POC5: variants seen among roughly 807,000 people sequenced by gnomAD.
POC5 encodes centrosomal protein POC5.
Under a neutral mutation model 62.9 loss-of-function variants are expected in POC5, and 48 were observed. That is an observed-to-expected ratio of 0.76 (90% CI 0.61 to 0.97). The LOEUF (loss-of-function observed/expected upper bound fraction) is 0.97. POC5 is among the 50% of genes least tolerant of loss of function. POC5 has a pLI of 0.00. For missense variants in POC5, 696 were observed against 679.5 expected (o/e 1.02, Z -0.27); for synonymous variants, 236 against 228.2 (o/e 1.03, Z -0.31).
intron 10 of POC5, among the ~76,000 whole-genome samples, chr5:75,679,997 G>C (rs771900657): frequency 6.6e-6 from 1 of 151,972 alleles, no homozygotes; most frequent in East Asian, 1.9e-4. Flanking sequence ...AACTTCTATG[G>C]ATCTTATGAA....
In POC5 at chr5:75,685,276, T is replaced by C; in HGVS notation, c.1338A>G (p.Ala446=). 3 of 1,613,998 alleles carry C rather than the reference T, an allele frequency of 1.9e-6. No individual in the cohort carries two copies. The highest frequency in any genetic ancestry group is 2.5e-6 in the Non-Finnish European group (3 of 1,179,886). The part of the protein sequence containing the change: ...ASMTSTRAAS[A]SSVHVPVSAL... ...CAGAAACAGGAACGTGAACAGAAGA[T>C]GCGGAAGCAGCCCTGGTAGAAGTCA... is the stretch of plus-strand genomic sequence containing the variant. Residue 446 remains alanine, a synonymous_variant, in exon 10 of 12, where the codon GCA becomes GCG. Coordinates refer to ENST00000428202, the MANE Select transcript of POC5 (RefSeq NM_001099271.2).
chr5:75,711,363 T>C (rs191375307), intron 2 of POC5, among the ~76,000 whole-genome samples: 1 of 152,054 alleles, frequency 6.6e-6, no homozygotes, highest in East Asian at 1.9e-4. Context: ...ACTTGGCTGA[T>C]AGGAGCTGTG....
In POC5 at chr5:75,683,054, G is replaced by C. The variant is rs377656779; in HGVS notation, c.1407+2153C>G. Among the ~76,000 whole-genome samples the C allele has an allele frequency of 2.6e-3, 395 of 152,314 alleles. 12 individuals carry two copies. In the South Asian group the frequency reaches 0.047, roughly 18 times the overall value. ...GCCGTCCAGAGCAATGGCACCTTCT[G>C]ATGGCCTGCCAAGGGAATTTTAAGA... On this transcript the variant is annotated intron_variant, in intron 10 of 11. Coordinates refer to ENST00000428202, the MANE Select transcript of POC5 (RefSeq NM_001099271.2).
chr5:75,680,866 C>T (rs1356051221), intron 10 of POC5, among the ~76,000 whole-genome samples: 1 of 152,004 alleles, frequency 6.6e-6, no homozygotes, highest in South Asian at 2.1e-4. Flanking sequence ...CAGTTTGGCT[C>T]CACATTTAAA....
Position 75,712,914 on chromosome 5 carries a change from GTATTTC to G in POC5, c.18_23del (p.Glu6_Tyr8delinsAsp). On this transcript the variant is annotated inframe_deletion, in exon 2 of 12. Transcript: ENST00000428202. The stretch of plus-strand genomic sequence containing the variant: ...AGTCATTTTGCACAACTGGAAGTGA[GTATTTC>G]TCCTCATCTGATGACATTCTGCACA... 6.2e-7 allele frequency: 1 copy of G among 1,612,438 alleles called. No individual in the cohort carries two copies. Among genetic ancestry groups the G allele is most frequent in the African/African-American group, 1.3e-5 (1 of 75,044 alleles).
intron 5 of POC5, among the ~76,000 whole-genome samples, chr5:75,700,787 A>T (rs2112167281): frequency 7.2e-6 from 1 of 139,728 alleles, no homozygotes; most frequent in East Asian, 2.0e-4. Context: ...CAGGCAACCT[A>T]CAAAACGGGA....
At chr5:75,715,905 C>G (rs1196218230) in intron 1 of POC5, among the ~76,000 whole-genome samples, 1 of 152,116 alleles carries the variant, frequency 6.6e-6, no homozygotes, top group Admixed American at 6.5e-5. Context: ...GAAGCAATAT[C>G]ACAACTTTGA....
chr5:75,714,337 G>A (rs1156596446), intron 1 of POC5, among the ~76,000 whole-genome samples: 3 of 151,936 alleles, frequency 2.0e-5, no homozygotes, highest in African/African-American at 7.3e-5. Flanking sequence ...AGCCAAGATC[G>A]CACCACTGCA....
At position 75,677,668 on chromosome 5, in the gene POC5, G is replaced by C. The variant is rs558367782; in HGVS notation, c.1584+106C>G. 87 of 834,062 alleles carry C rather than the reference G, an allele frequency of 1.0e-4. No individual in the cohort carries two copies. The African/African-American group carries it at 1.2e-3, about 11-fold the overall frequency. 51.7% of individuals were successfully genotyped at this position (834,062 alleles called of 1,614,324 possible). On this transcript the variant is annotated intron_variant, in intron 11 of 11. Coordinates refer to ENST00000428202, the MANE Select transcript of POC5 (RefSeq NM_001099271.2). Reference sequence around the variant, plus strand: ...ACAGGAAAAGGCAGAACAAGTACCAGTCATCATAAATTTTTATCTTCTCAA... The same window carrying C: ...ACAGGAAAAGGCAGAACAAGTACCACTCATCATAAATTTTTATCTTCTCAA...
intron 2 of POC5, among the ~76,000 whole-genome samples, chr5:75,711,653 C>T (rs1182574148): frequency 6.6e-6 from 1 of 151,884 alleles, no homozygotes; most frequent in African/African-American, 2.4e-5. Context: ...ACTGTATGTA[C>T]AGGGAATATG....
chr5:75,717,290 G>A lies in POC5; in HGVS notation c.-15+16C>T, dbSNP rs542962975. On this transcript the variant is annotated intron_variant, in intron 1 of 11. Transcript: ENST00000428202. Reference sequence around the variant, plus strand: ...GATGCAGGGACGCAGGATCTGCCCGGAGCGCTGCTACCCACCGTCGCCGCT... The same window carrying A: ...GATGCAGGGACGCAGGATCTGCCCGAAGCGCTGCTACCCACCGTCGCCGCT... 1 of 152,342 alleles carries A rather than the reference G, an allele frequency of 6.6e-6. No individual in the cohort carries two copies. Among genetic ancestry groups the A allele is most frequent in the East Asian group, 1.9e-4 (1 of 5,168 alleles). 9.4% of individuals were successfully genotyped at this position (152,342 alleles called of 1,614,324 possible).
chr5:75,693,170 A>G (rs987391237), intron 6 of POC5, among the ~76,000 whole-genome samples: 9 of 145,694 alleles, frequency 6.2e-5, no homozygotes, highest in Admixed American at 2.8e-4. Context: ...ACATATTAAT[A>G]ACATTATATA....
At position 75,687,266 on chromosome 5, in the gene POC5, G is replaced by A. The variant is rs543714809; in HGVS notation, c.1129+1746C>T. On this transcript the variant is annotated intron_variant, in intron 9 of 11. Coordinates refer to ENST00000428202, the MANE Select transcript of POC5 (RefSeq NM_001099271.2). The stretch of plus-strand genomic sequence containing the variant: ...AGGATCGTCTCGATCTCCTGACCTC[G>A]TGATCCACTCACCTCGGCCTCCCAA... 4.6e-5 allele frequency among the ~76,000 whole-genome samples: 7 copies of A among 152,178 alleles called. No individual in the cohort carries two copies. The East Asian group carries it at 5.8e-4, about 13-fold the overall frequency.
intron 10 of POC5, among the ~76,000 whole-genome samples, chr5:75,678,390 A>G (rs895943255): frequency 8.5e-5 from 13 of 152,104 alleles, no homozygotes; most frequent in African/African-American, 3.1e-4. Flanking sequence ...CCTGTTAACT[A>G]TCACTCAATC....
In POC5 at chr5:75,694,785, T is replaced by C. The variant is rs762972017; in HGVS notation, c.560A>G (p.Asp187Gly). 1 of 1,574,318 alleles carries C rather than the reference T, an allele frequency of 6.4e-7. No homozygotes were observed. The highest frequency in any genetic ancestry group is 8.7e-7 in the Non-Finnish European group (1 of 1,148,374). ...TTTTCTCATTTCCATTCGGTGCCAGTCAATAAAATTAAGTCTCCATTTACT... is the reference window on the plus strand; with the variant it reads ...TTTTCTCATTTCCATTCGGTGCCAGCCAATAAAATTAAGTCTCCATTTACT... ...ELSKWRLNFI[D>G]WHRMEMRKEK... Residue 187 changes from aspartate (D) to glycine (G), a missense_variant, in exon 6 of 12, where the codon GAC becomes GGC. Asp to Gly is a moderately conservative substitution (Grantham distance 94). Coordinates refer to ENST00000428202, the MANE Select transcript of POC5 (RefSeq NM_001099271.2).
chr5:75,712,726 G>T, intron 2 of POC5, 128 bp downstream of exon 2: 2 of 787,642 alleles, frequency 2.5e-6, no homozygotes, highest in South Asian at 1.8e-5. Context: ...CCTGAAGTTT[G>T]ATATTATTAT....
chr5:75,689,044 G>A lies in POC5; in HGVS notation c.1097C>T (p.Ala366Val). 3 of 1,588,698 alleles carry A rather than the reference G, an allele frequency of 1.9e-6. No individual in the cohort carries two copies. Among genetic ancestry groups the A allele is most frequent in the Non-Finnish European group, 2.6e-6 (3 of 1,168,702 alleles). The change falls in exon 9 of 12, where the codon GCC (alanine) becomes GTC (valine). Residue 366 changes from alanine (A) to valine (V), a missense_variant. By Grantham distance (64) the Ala-to-Val change is moderately conservative (BLOSUM62 0). Coordinates refer to ENST00000428202, the MANE Select transcript of POC5 (RefSeq NM_001099271.2). ...MRGVCALNLE[A>V]MTIFQNRNDA... The stretch of plus-strand genomic sequence containing the variant: ...ATTTCTGTTTTGAAATATAGTCATG[G>A]CTTCAAGATTTAATGCACATACACC...
intron 10 of POC5, among the ~76,000 whole-genome samples, chr5:75,681,205 A>G (rs533090163): frequency 6.6e-6 from 1 of 152,162 alleles, no homozygotes; most frequent in Non-Finnish European, 1.5e-5. Flanking sequence ...TCTGAATTCC[A>G]AATCAGTTAC....
chr5:75,691,694 A>G (rs867160295), intron 7 of POC5, among the ~76,000 whole-genome samples: 39 of 148,624 alleles, frequency 2.6e-4, no homozygotes, highest in African/African-American at 9.3e-4. Flanking sequence ...GCTCACATGA[A>G]TATACATGGA....
Sources: gnomAD v4.1 joint callset for allele counts (sites outside exome capture counted in the v4.1 genomes callset) on GRCh38, gnomAD v4.1.1 for gene constraint, MANE v1.5 for transcripts, NCBI Gene and HGNC (gene_info 2026-07-23, HGNC 2026-07-21) for gene names.